The following PTPRN2 variants were observed in gnomAD, a reference collection of about 807,000 sequenced individuals.
The protein encoded by PTPRN2 is protein tyrosine phosphatase receptor type N2, also known as receptor-type tyrosine-protein phosphatase N2.
In PTPRN2, 74 loss-of-function variants were observed where a neutral mutation model predicts 118.8. That is an observed-to-expected ratio of 0.62 (90% CI 0.52 to 0.76). PTPRN2 has a LOEUF of 0.76. PTPRN2 is among the 30% of genes least tolerant of loss of function. The probability of loss-of-function intolerance (pLI) is 0.00; values close to 1 mark genes in which losing one functional copy is unlikely to be tolerated. For missense variants in PTPRN2, 1,481 were observed against 1,394.4 expected, an observed-to-expected ratio of 1.06 and a Z score of -0.99; for synonymous variants, 641 against 608.0, an observed-to-expected ratio of 1.05 and a Z score of -0.80.
rs1563107949 is a variant in PTPRN2, at chr7:157,787,066, CGGGTGCGGCGGGGG to C, written c.1789-104143_1789-104130del. Among the ~76,000 whole-genome samples the C allele has an allele frequency of 6.2e-5, 8 of 128,326 alleles. No homozygotes were observed. The highest frequency in any genetic ancestry group is 1.3e-4 in the Non-Finnish European group (8 of 61,096). 84.2% of individuals were successfully genotyped at this position (128,326 alleles called of 152,430 possible). On this transcript the variant is annotated intron_variant, in intron 12 of 22. Coordinates refer to ENST00000389418, the MANE Select transcript of PTPRN2 (RefSeq NM_002847.5). This position sits in a 1 kb window ranked among gnomAD's most constrained non-coding sequence, Gnocchi z 5.3. ...GGGGTGGCTGCCCGGGAGGCGGACG[CGGGTGCGGCGGGGG>C]ACGCGGGGGTGGCTGCCCGGGAGGC... is the stretch of plus-strand genomic sequence containing the variant.
intron 11 of PTPRN2, among the ~76,000 whole-genome samples, chr7:157,934,423 A>G (rs1451228792): frequency 1.3e-5 from 2 of 152,232 alleles, no homozygotes; most frequent in East Asian, 3.8e-4. Flanking sequence ...CAACAAAGCC[A>G]TGGGAGCAGA....
chr7:158,256,175 G>A (rs1411531107), intron 3 of PTPRN2, among the ~76,000 whole-genome samples: 5 of 152,314 alleles, frequency 3.3e-5, no homozygotes, highest in East Asian at 1.9e-4. Flanking sequence ...GAGTGTTGAC[G>A]ACGATGCTTT....
At chr7:158,143,445 T>A (rs1300736015) in intron 6 of PTPRN2, among the ~76,000 whole-genome samples, 2 of 152,180 alleles carry the variant, frequency 1.3e-5, no homozygotes, top group Non-Finnish European at 2.9e-5. Flanking sequence ...AGGCGAGGGA[T>A]GTCTCCACAC....
At chr7:158,480,455 G>A (rs962033828) in intron 2 of PTPRN2, among the ~76,000 whole-genome samples, 11 of 152,178 alleles carry the variant, frequency 7.2e-5, no homozygotes, top group Non-Finnish European at 1.5e-5. Flanking sequence ...ATTGAAATTA[G>A]GCTAATTAGC....
chr7:158,343,124 G>A (rs1335421412), intron 2 of PTPRN2, among the ~76,000 whole-genome samples: 3 of 152,178 alleles, frequency 2.0e-5, no homozygotes, highest in Non-Finnish European at 4.4e-5. Context: ...GGAAAAGGCA[G>A]CCAGGGAGTG....
intron 1 of PTPRN2, among the ~76,000 whole-genome samples, chr7:158,515,343 T>G (rs1421712045): frequency 1.3e-5 from 2 of 151,962 alleles, no homozygotes; most frequent in Non-Finnish European, 2.9e-5. Flanking sequence ...CGTGCCACCA[T>G]GCCTGGCTAA....
intron 2 of PTPRN2, among the ~76,000 whole-genome samples, chr7:158,443,954 C>A (rs1206679351): frequency 6.6e-6 from 1 of 152,222 alleles, no homozygotes; most frequent in Non-Finnish European, 1.5e-5. Flanking sequence ...CTCTGGCCTA[C>A]CCCAAGTCCT....
intron 11 of PTPRN2, among the ~76,000 whole-genome samples, chr7:157,922,257 T>C (rs954816916): frequency 1.3e-5 from 2 of 152,142 alleles, no homozygotes; most frequent in African/African-American, 4.8e-5. Flanking sequence ...TCATACGGGA[T>C]TTTTGGTTTT....
At chr7:157,667,001 TGTGC>T (rs1796170558) in intron 13 of PTPRN2, among the ~76,000 whole-genome samples, 2 of 54,384 alleles carry the variant, frequency 3.7e-5, no homozygotes, top group African/African-American at 8.0e-5. Flanking sequence ...ATCTCTGGTG[TGTGC>T]AATGAGTACA....
At position 158,167,069 on chromosome 7, in the gene PTPRN2, G is replaced by C. The variant is rs1823084081; in HGVS notation, c.772C>G (p.Pro258Ala). ...AYAAQRPPAP[P>A]GEGSLEPQYL... The stretch of plus-strand genomic sequence containing the variant: ...TGTGGCTCCAGGCTGCCCTCCCCGG[G>C]GGGAGCTGGGGGCCTCTGGGCAGCA... Residue 258 changes from proline (P) to alanine (A), a missense_variant, in exon 6 of 23, where the codon CCC becomes GCC. This residue lies in a region of PTPRN2 where 1,115 missense variants were observed against 994.2 expected (regional missense o/e 1.12). Transcript: ENST00000389418. 2 of 1,595,414 alleles carry C rather than the reference G, an allele frequency of 1.3e-6. No individual in the cohort carries two copies. The highest frequency in any genetic ancestry group is 1.7e-6 in the Non-Finnish European group (2 of 1,169,506).
intron 2 of PTPRN2, among the ~76,000 whole-genome samples, chr7:158,475,062 C>G (rs1239432064): frequency 6.6e-6 from 1 of 152,112 alleles, no homozygotes; most frequent in Non-Finnish European, 1.5e-5. Flanking sequence ...ATAAGAACCC[C>G]GGCTGCAGCA....
intron 3 of PTPRN2, among the ~76,000 whole-genome samples, chr7:158,280,419 C>T (rs1229134600): frequency 6.6e-6 from 1 of 152,216 alleles, no homozygotes; most frequent in Non-Finnish European, 1.5e-5. Flanking sequence ...GGGCAGGAGC[C>T]GCGGCTCTAC....
At position 157,974,642 on chromosome 7, in the gene PTPRN2, C is replaced by T. The variant is rs1056180984; in HGVS notation, c.1724-75905G>A. Among the ~76,000 whole-genome samples, 8 of 88,894 alleles carry T rather than the reference C, an allele frequency of 9.0e-5. No individual in the cohort carries two copies. The highest frequency in any genetic ancestry group is 3.5e-4 in the African/African-American group (8 of 22,628). The allele number at this position is 88,894 out of a possible 152,430, so 58.3% of individuals were successfully genotyped here. A position where few individuals can be genotyped will look rare whatever the true frequency, so the allele number is the denominator to read the frequency against. On this transcript the variant is annotated intron_variant, in intron 11 of 22. Transcript: ENST00000389418. This position sits in a 1 kb window ranked among gnomAD's most constrained non-coding sequence, Gnocchi z 4.0. ...ATGGCAGTGGGAGCCTGGGCAGGGG[C>T]GGGCAGGGCTCTGTGGTAAGACACA...
chr7:158,040,953 G>A (rs913538150), intron 11 of PTPRN2, among the ~76,000 whole-genome samples: 1 of 152,264 alleles, frequency 6.6e-6, no homozygotes, highest in African/African-American at 2.4e-5. Context: ...GGCTGGTCTT[G>A]AACTCCTGAC....
intron 3 of PTPRN2, among the ~76,000 whole-genome samples, chr7:158,297,439 C>T (rs373281184): frequency 6.6e-6 from 1 of 152,192 alleles, no homozygotes; most frequent in African/African-American, 2.4e-5. Flanking sequence ...ACGGTATCTC[C>T]TTGTGGTTCA....
rs571065219 is a variant in PTPRN2 at position 158,262,788 on chromosome 7, CAT to C, written c.277+54029_277+54030del. Among the ~76,000 whole-genome samples the C allele has an allele frequency of 5.0e-3, 698 of 139,928 alleles. 2 individuals carry two copies. The highest frequency in any genetic ancestry group is 5.9e-3 in the Non-Finnish European group (375 of 63,818). The allele number at this position is 139,928 out of a possible 152,430, so 91.8% of individuals were successfully genotyped here. ...CACACACATTCACACACACTACACA[CAT>C]ACACATTCACACACTACACACATTC... On this transcript the variant is annotated intron_variant, in intron 3 of 22. Coordinates refer to ENST00000389418, the MANE Select transcript of PTPRN2 (RefSeq NM_002847.5).
rs1469993731 is a variant in PTPRN2, at chr7:157,903,207, C to A, written c.1724-4470G>T. 2.6e-5 allele frequency among the ~76,000 whole-genome samples: 4 copies of A among 152,068 alleles called. No homozygotes were observed. Among genetic ancestry groups the A allele is most frequent in the Non-Finnish European group, 5.9e-5 (4 of 68,026 alleles). On this transcript the variant is annotated intron_variant, in intron 11 of 22. Coordinates refer to ENST00000389418, the MANE Select transcript of PTPRN2 (RefSeq NM_002847.5). The surrounding 1 kb of genome is among the most constrained non-coding windows in gnomAD (Gnocchi z 4.2). ...CATGCGCTCACATGGAAGTGGGGAC[C>A]AGACATCGGGTACTTACAGCCATAG...
intron 14 of PTPRN2, among the ~76,000 whole-genome samples, chr7:157,649,087 C>G (rs373605112): frequency 5.1e-5 from 6 of 117,008 alleles, no homozygotes; most frequent in South Asian, 3.3e-4. Context: ...GACCCATTCA[C>G]TGTGCACTGA....
intron 3 of PTPRN2, among the ~76,000 whole-genome samples, chr7:158,224,161 T>C (rs1316509988): frequency 6.6e-6 from 1 of 152,124 alleles, no homozygotes; most frequent in Non-Finnish European, 1.5e-5. Flanking sequence ...AGATTCAACA[T>C]AATAATGATG....
Sources: allele counts gnomAD v4.1 joint callset (sites outside exome capture counted in the v4.1 genomes callset), GRCh38; gene constraint gnomAD v4.1.1; regional missense constraint gnomAD v4.1.1; non-coding constraint Gnocchi (gnomAD v3.1); transcripts MANE v1.5; gene names NCBI Gene and HGNC (gene_info 2026-07-23, HGNC 2026-07-21).